Variants in SCUBE1 observed in about 807,000 individuals in gnomAD.
The protein encoded by SCUBE1 is signal peptide, CUB and EGF-like domain-containing protein 1.
In SCUBE1, 59 loss-of-function variants were observed where a neutral mutation model predicts 124.4. The ratio of observed to expected loss-of-function variants is 0.47; its 90% CI spans 0.38 to 0.59. SCUBE1 has a LOEUF of 0.59. Among genes scored for constraint, SCUBE1 ranks in the 20% least tolerant of loss-of-function variants. The pLI is 0.00. For missense variants in SCUBE1, 1,150 were observed against 1,371.2 expected (o/e 0.84, Z 2.55); for synonymous variants, 545 against 550.9 (o/e 0.99, Z 0.15).
At chr22:43,320,148 G>A (rs767198975) in intron 2 of SCUBE1, 83 bp from the exon 3 acceptor site, 12 of 1,531,234 alleles carry the variant, frequency 7.8e-6, no homozygotes, top group Non-Finnish European at 1.1e-5. Context: ...ACCGGGATCT[G>A]AGTGATTAGG....
intron 6 of SCUBE1, among the ~76,000 whole-genome samples, chr22:43,239,161 C>T (rs1012703968): frequency 6.6e-6 from 1 of 152,224 alleles, no homozygotes; most frequent in Non-Finnish European, 1.5e-5. Context: ...GGGAATGACA[C>T]CATTCCTGTG....
At chr22:43,292,446 C>T (rs1366852018) in intron 3 of SCUBE1, among the ~76,000 whole-genome samples, 1 of 152,052 alleles carries the variant, frequency 6.6e-6, no homozygotes, top group Non-Finnish European at 1.5e-5. Flanking sequence ...GAAAGAAGGG[C>T]TTCTTAAACC....
chr22:43,236,648 C>T (rs939667573), intron 7 of SCUBE1, among the ~76,000 whole-genome samples: 4 of 152,206 alleles, frequency 2.6e-5, no homozygotes, highest in Non-Finnish European at 4.4e-5. Context: ...CCTCTGGCAA[C>T]AGTCACAGTG....
At chr22:43,212,353 C>G in intron 17 of SCUBE1, 72 bp downstream of exon 17, 1 of 1,472,366 alleles carries the variant, frequency 6.8e-7, no homozygotes, top group Non-Finnish European at 9.2e-7. Context: ...GAGAGGGGTT[C>G]GGGGAAGCCT....
rs560111459 is a variant in SCUBE1, at chr22:43,329,813, C to T, written c.220+9291G>A. 3.3e-5 allele frequency among the ~76,000 whole-genome samples: 5 copies of T among 152,344 alleles called. No individual in the cohort carries two copies. The East Asian group carries it at 5.8e-4, about 18-fold the overall frequency. On this transcript the variant is annotated intron_variant, in intron 2 of 21. Coordinates refer to ENST00000360835, the MANE Select transcript of SCUBE1 (RefSeq NM_173050.5). ...TCTCAAAGCCTTTAGGGAAGGCCAT[C>T]ATCCATTTCAGTAGCATTCAAAGGC...
intron 20 of SCUBE1, 52 bp from the exon 21 acceptor site, chr22:43,207,665 G>T (rs374154951): frequency 7.1e-7 from 1 of 1,403,380 alleles, no homozygotes; most frequent in South Asian, 1.2e-5. Context: ...TGAGGCCCAC[G>T]TGCTCCCCTT....
At position 43,336,326 on chromosome 22, in the gene SCUBE1, C is replaced by T. The variant is rs1249979399; in HGVS notation, c.220+2778G>A. Among the ~76,000 whole-genome samples the T allele has an allele frequency of 2.6e-5, 4 of 152,130 alleles. No individual in the cohort carries two copies. The East Asian group carries it at 7.7e-4, about 29-fold the overall frequency. Reference sequence around the variant, plus strand: ...TCATTGCACAGGGTCAAGATGACACCAGGGCCAGAACGAGCCCTTCCACAG... The same window carrying T: ...TCATTGCACAGGGTCAAGATGACACTAGGGCCAGAACGAGCCCTTCCACAG... On this transcript the variant is annotated intron_variant, in intron 2 of 21. Coordinates refer to ENST00000360835, the MANE Select transcript of SCUBE1 (RefSeq NM_173050.5).
At chr22:43,296,592 G>T (rs977943430) in intron 3 of SCUBE1, among the ~76,000 whole-genome samples, 2 of 152,220 alleles carry the variant, frequency 1.3e-5, no homozygotes, top group Non-Finnish European at 2.9e-5. Context: ...TGAGAGAGAC[G>T]GGGGAGGTAG....
chr22:43,288,021 T>G (rs1295174011), intron 4 of SCUBE1, among the ~76,000 whole-genome samples: 1 of 152,234 alleles, frequency 6.6e-6, no homozygotes, highest in Non-Finnish European at 1.5e-5. Context: ...CCCACTGGAA[T>G]GCTGCACCTT....
intron 3 of SCUBE1, among the ~76,000 whole-genome samples, chr22:43,300,188 T>G (rs936868408): frequency 6.6e-6 from 1 of 152,194 alleles, no homozygotes; most frequent in Non-Finnish European, 1.5e-5. Context: ...GTGCCCTTTT[T>G]GAGGAAATGA....
At chr22:43,323,985 AAC>A (rs1461410435) in intron 2 of SCUBE1, among the ~76,000 whole-genome samples, 1 of 152,230 alleles carries the variant, frequency 6.6e-6, no homozygotes, top group Non-Finnish European at 1.5e-5. Flanking sequence ...CAAAGAAAGA[AAC>A]ACAATCAGTT....
intron 4 of SCUBE1, among the ~76,000 whole-genome samples, chr22:43,281,453 T>TCTCCTCCTCAGCTACCCTGTCAC (rs1569010616): frequency 2.4e-5 from 1 of 41,174 alleles, no homozygotes; most frequent in Non-Finnish European, 3.8e-5. Context: ...CCTCCTGTCA[T>TCTCCTCCTCAGCTACCCTGTCAC]CTCCCTCAGC....
intron 4 of SCUBE1, among the ~76,000 whole-genome samples, chr22:43,284,227 A>T (rs1925040628): frequency 6.6e-6 from 1 of 152,188 alleles, no homozygotes. Context: ...ATTAGCAACC[A>T]TTTTCTGTCT....
intron 4 of SCUBE1, among the ~76,000 whole-genome samples, chr22:43,285,299 C>T (rs1319871089): frequency 6.6e-6 from 1 of 152,198 alleles, no homozygotes; most frequent in Non-Finnish European, 1.5e-5. Context: ...TCCTCAGTGT[C>T]CACGCTGAAC....
chr22:43,230,665 C>T (rs1428409003), intron 8 of SCUBE1, among the ~76,000 whole-genome samples: 10 of 152,332 alleles, frequency 6.6e-5, no homozygotes, highest in African/African-American at 2.4e-4. Flanking sequence ...CTGTCTAGAC[C>T]TCAGGCCCTG....
Position 43,211,019 on chromosome 22 carries a change from G to A in SCUBE1, c.2286C>T (p.Gly762=). 1 of 1,614,140 alleles carries A rather than the reference G, an allele frequency of 6.2e-7. No individual in the cohort carries two copies. The highest frequency in any genetic ancestry group is 8.5e-7 in the Non-Finnish European group (1 of 1,180,012). The change falls in exon 18 of 22, where the codon GGC becomes GGT. Residue 762 remains glycine (G), a synonymous_variant. Coordinates refer to ENST00000360835, the MANE Select transcript of SCUBE1 (RefSeq NM_173050.5). This position sits in a 1 kb window ranked among gnomAD's most constrained non-coding sequence, Gnocchi z 4.5. ...TCTGGCCAAACTCGGGCTGGTAGGT[G>A]CCGACGGGGCAGCGGATGCAGCGGT... ...TTHRCIRCPV[G]TYQPEFGQNH... is the part of the protein sequence containing the mutation.
At chr22:43,227,277 G>A in intron 10 of SCUBE1, 97 bp downstream of exon 10, 1 of 1,385,898 alleles carries the variant, frequency 7.2e-7, no homozygotes, top group East Asian at 2.5e-5. Flanking sequence ...GGAAAGGGAG[G>A]GGCTGTCCTG....
chr22:43,322,130 C>T (rs1017548717), intron 2 of SCUBE1, among the ~76,000 whole-genome samples: 4 of 152,090 alleles, frequency 2.6e-5, no homozygotes, highest in Admixed American at 6.5e-5. Context: ...ACTACAGGCA[C>T]GTGCCACCAT....
intron 5 of SCUBE1, among the ~76,000 whole-genome samples, chr22:43,261,134 A>T (rs891715892): frequency 1.3e-5 from 2 of 152,230 alleles, no homozygotes; most frequent in African/African-American, 4.8e-5. Context: ...TCTCGTGAGG[A>T]AACTCAGATC....
Sources: allele counts gnomAD v4.1 joint callset (sites outside exome capture counted in the v4.1 genomes callset), GRCh38; gene constraint gnomAD v4.1.1; non-coding constraint Gnocchi (gnomAD v3.1); transcripts MANE v1.5; gene names NCBI Gene and HGNC (gene_info 2026-07-23, HGNC 2026-07-21).